DOCK3: variants seen among roughly 807,000 people sequenced by gnomAD.
DOCK3 encodes the protein dedicator of cytokinesis 3, also known as dedicator of cytokinesis protein 3.
Under a neutral mutation model 265.6 loss-of-function variants are expected in DOCK3, and 60 were observed. The observed-to-expected ratio is 0.23, with a 90% CI of 0.18 to 0.28. The LOEUF is 0.28. DOCK3 is among the 10% of genes least tolerant of loss of function. DOCK3 has a pLI of 1.00. For missense variants in DOCK3, 1,981 were observed against 2,594.3 expected (o/e 0.76, Z 5.14); for synonymous variants, 881 against 938.0 (o/e 0.94, Z 1.11).
At chr3:51,153,761 C>T (rs1323160635) in intron 10 of DOCK3, among the ~76,000 whole-genome samples, 1 of 152,196 alleles carries the variant, frequency 6.6e-6, no homozygotes, top group Admixed American at 6.5e-5. Flanking sequence ...TGGAAAATAC[C>T]AAACCTCACA....
chr3:50,877,862 G>A (rs1230684586), intron 3 of DOCK3, among the ~76,000 whole-genome samples: 1 of 152,074 alleles, frequency 6.6e-6, no homozygotes, highest in East Asian at 1.9e-4. Flanking sequence ...CTAACTGGGA[G>A]ACATCTCCCA....
At chr3:51,163,737 G>A (rs1418402531) in intron 12 of DOCK3, among the ~76,000 whole-genome samples, 1 of 151,948 alleles carries the variant, frequency 6.6e-6, no homozygotes, top group Admixed American at 6.6e-5. Flanking sequence ...ATATATTTAG[G>A]CCAACCTTAA....
intron 5 of DOCK3, among the ~76,000 whole-genome samples, chr3:50,944,258 T>C (rs948999066): frequency 6.6e-6 from 1 of 152,194 alleles, no homozygotes; most frequent in Non-Finnish European, 1.5e-5. Context: ...CCAGTAATCT[T>C]GTTTTGATGA....
chr3:51,328,816 T>G (rs910130222), intron 32 of DOCK3, among the ~76,000 whole-genome samples: 4 of 152,194 alleles, frequency 2.6e-5, no homozygotes, highest in Non-Finnish European at 4.4e-5. Flanking sequence ...GGCTTTTTTG[T>G]TTATATGAAA....
At chr3:51,303,839 C>T (rs769759663) in intron 27 of DOCK3, among the ~76,000 whole-genome samples, 1 of 152,182 alleles carries the variant, frequency 6.6e-6, no homozygotes, top group Non-Finnish European at 1.5e-5. Context: ...AGCAGGAATG[C>T]TCCTATATAA....
chr3:50,907,749 A>T (rs1038922812), intron 4 of DOCK3, among the ~76,000 whole-genome samples: 1 of 152,112 alleles, frequency 6.6e-6, no homozygotes, highest in Admixed American at 6.6e-5. Context: ...TAGCCCATTT[A>T]CATTTAAAGT....
At chr3:50,843,989 T>G (rs2082875487) in intron 3 of DOCK3, among the ~76,000 whole-genome samples, 1 of 152,198 alleles carries the variant, frequency 6.6e-6, no homozygotes, top group Admixed American at 6.5e-5. Context: ...AATATTATGG[T>G]CCTACTACAC....
intron 14 of DOCK3, among the ~76,000 whole-genome samples, chr3:51,224,086 A>G (rs2090217132): frequency 6.6e-6 from 1 of 152,232 alleles, no homozygotes; most frequent in Admixed American, 6.5e-5. Context: ...GCATTTTGGT[A>G]TGATTTTCAA....
chr3:50,869,342 ATT>A lies in DOCK3; in HGVS notation c.163-20637_163-20636del, dbSNP rs755531254. 1.1e-4 allele frequency among the ~76,000 whole-genome samples: 8 copies of A among 70,066 alleles called. 4 individuals carry two copies. The highest frequency in any genetic ancestry group is 2.0e-4 in the Non-Finnish European group (8 of 39,204). 46.0% of individuals were successfully genotyped at this position (70,066 alleles called of 152,430 possible). ...TCAATTTTATTTATTTCTGCTGGGA[ATT>A]TTTTTTTTTTTTTTTTTTTTTTTTT... On this transcript the variant is annotated intron_variant, in intron 3 of 52. Transcript: ENST00000266037.
chr3:51,133,048 C>T (rs762517208), intron 9 of DOCK3, among the ~76,000 whole-genome samples: 11 of 152,262 alleles, frequency 7.2e-5, no homozygotes, highest in Non-Finnish European at 1.2e-4. Context: ...CCACCCCCAA[C>T]ACCCTTGTTT....
At chr3:51,138,150 C>T (rs546446767) in intron 9 of DOCK3, among the ~76,000 whole-genome samples, 6 of 152,256 alleles carry the variant, frequency 3.9e-5, no homozygotes, top group Admixed American at 3.9e-4. Context: ...AGGGTAGAAA[C>T]CTGTCTGTGT....
At chr3:51,269,835 G>A (rs776164577) in intron 23 of DOCK3, among the ~76,000 whole-genome samples, 1 of 152,144 alleles carries the variant, frequency 6.6e-6, no homozygotes, top group Non-Finnish European at 1.5e-5. Context: ...GAAACTTTAT[G>A]TAAAAATTTC....
At chr3:51,266,853 T>A (rs2080201326) in intron 23 of DOCK3, among the ~76,000 whole-genome samples, 1 of 152,192 alleles carries the variant, frequency 6.6e-6, no homozygotes. Flanking sequence ...AAAGAGCTTC[T>A]GCACAGCAAA....
At chr3:51,311,607 T>C (rs781389720) in intron 28 of DOCK3, among the ~76,000 whole-genome samples, 21 of 152,234 alleles carry the variant, frequency 1.4e-4, no homozygotes, top group Admixed American at 1.2e-3. Context: ...AAAGTGATCA[T>C]AATATCTCTT....
At chr3:50,999,547 C>T (rs760540567) in intron 5 of DOCK3, among the ~76,000 whole-genome samples, 6 of 152,282 alleles carry the variant, frequency 3.9e-5, no homozygotes, top group African/African-American at 7.2e-5. Context: ...AGCCTTGTAG[C>T]GTTAAATATT....
chr3:50,709,369 A>G (rs1006114907), intron 1 of DOCK3, among the ~76,000 whole-genome samples: 1 of 152,066 alleles, frequency 6.6e-6, no homozygotes, highest in Non-Finnish European at 1.5e-5. Flanking sequence ...TTTCTTTCCA[A>G]TCTGGCTGCC....
At chr3:51,025,140 G>C (rs1174884037) in intron 5 of DOCK3, among the ~76,000 whole-genome samples, 1 of 152,156 alleles carries the variant, frequency 6.6e-6, no homozygotes, top group Non-Finnish European at 1.5e-5. Context: ...TCTCCTAAAA[G>C]TTTATGTCTT....
intron 12 of DOCK3, among the ~76,000 whole-genome samples, chr3:51,175,746 T>C (rs1401467522): frequency 1.3e-5 from 2 of 152,172 alleles, no homozygotes; most frequent in African/African-American, 4.8e-5. Context: ...GTGGGGGCCA[T>C]CCTCCTTTTG....
chr3:51,205,090 G>A (rs1015230264), intron 12 of DOCK3, among the ~76,000 whole-genome samples: 13 of 151,846 alleles, frequency 8.6e-5, no homozygotes, highest in African/African-American at 2.9e-4. Flanking sequence ...TGGGTGCAGC[G>A]CACCAGCATG....
Sources: gnomAD v4.1 joint callset for allele counts (sites outside exome capture counted in the v4.1 genomes callset) on GRCh38, gnomAD v4.1.1 for gene constraint, MANE v1.5 for transcripts, NCBI Gene and HGNC (gene_info 2026-07-23, HGNC 2026-07-21) for gene names.